Variants in MAST4 observed in about 807,000 individuals in gnomAD.
MAST4 encodes the protein microtubule-associated serine/threonine-protein kinase 4.
In MAST4, 89 loss-of-function variants were observed where a neutral mutation model predicts 162.7. The ratio of observed to expected loss-of-function variants is 0.55; its 90% CI spans 0.46 to 0.65. The LOEUF is 0.65. Ranked by LOEUF, MAST4 falls within the 30% of genes least tolerant of loss-of-function variation. The probability of loss-of-function intolerance (pLI) is 0.00; values close to 1 mark genes in which losing one functional copy is unlikely to be tolerated. For synonymous variants in MAST4, 1,479 were observed against 1,361.1 expected (o/e 1.09, Z -1.91); for missense variants, 3,153 against 3,374.0 (o/e 0.93, Z 1.62).
intron 4 of MAST4, among the ~76,000 whole-genome samples, chr5:66,900,397 A>G (rs1273400683): frequency 1.3e-5 from 2 of 152,100 alleles, no homozygotes; most frequent in Non-Finnish European, 2.9e-5. Context: ...ACTTTGAATC[A>G]GTTAAACTTT....
chr5:67,102,422 T>A, intron 8 of MAST4, 114 bp from the exon 9 acceptor site: 1 of 930,968 alleles, frequency 1.1e-6, no homozygotes, highest in Admixed American at 1.8e-5. Flanking sequence ...TCTGATATAC[T>A]TTTCTTACAA....
intron 1 of MAST4, among the ~76,000 whole-genome samples, chr5:66,618,033 T>TC (rs1554035637): frequency 4.2e-5 from 6 of 143,672 alleles, no homozygotes; most frequent in Non-Finnish European, 6.2e-5. Flanking sequence ...CTGGGAGGAA[T>TC]GGGGGGGGGG....
At chr5:66,658,004 C>T (rs954162283) in intron 1 of MAST4, among the ~76,000 whole-genome samples, 8 of 152,250 alleles carry the variant, frequency 5.3e-5, no homozygotes, top group East Asian at 1.9e-4. Flanking sequence ...GTTTAGTGTA[C>T]GCATGTATAT....
intron 3 of MAST4, among the ~76,000 whole-genome samples, chr5:66,830,267 T>C (rs1409792645): frequency 1.3e-5 from 2 of 152,334 alleles, no homozygotes; most frequent in Middle Eastern, 3.4e-3. Context: ...AATTCCTTTT[T>C]TAAGTTTTTG....
At chr5:66,955,785 A>C (rs1745239602) in intron 4 of MAST4, among the ~76,000 whole-genome samples, 1 of 152,168 alleles carries the variant, frequency 6.6e-6, no homozygotes, top group African/African-American at 2.4e-5. Flanking sequence ...ATGTGTGTAT[A>C]TATATGCACA....
At chr5:67,001,620 C>T (rs577486568) in intron 4 of MAST4, 1 of 152,210 alleles carries the variant, frequency 6.6e-6, no homozygotes, top group African/African-American at 2.4e-5. Flanking sequence ...AAGAAATAAA[C>T]ATTTTATGTC....
chr5:66,679,454 G>A (rs1748182592), intron 1 of MAST4, among the ~76,000 whole-genome samples: 1 of 152,192 alleles, frequency 6.6e-6, no homozygotes, highest in South Asian at 2.1e-4. Flanking sequence ...TAGGCTGGGA[G>A]CAGCTTCTGT....
At chr5:66,698,880 C>G (rs949236565) in intron 1 of MAST4, among the ~76,000 whole-genome samples, 1 of 152,186 alleles carries the variant, frequency 6.6e-6, no homozygotes, top group Non-Finnish European at 1.5e-5. Context: ...ATGGGCATAA[C>G]CCTTCTGTGG....
At chr5:66,709,204 A>G (rs570469870) in intron 1 of MAST4, among the ~76,000 whole-genome samples, 2 of 152,250 alleles carry the variant, frequency 1.3e-5, no homozygotes, top group South Asian at 2.1e-4. Context: ...AGATTTTGCT[A>G]TTGCTGATAC....
intron 27 of MAST4, among the ~76,000 whole-genome samples, chr5:67,162,398 G>A (rs1391012931): frequency 6.6e-6 from 1 of 152,150 alleles, no homozygotes; most frequent in Non-Finnish European, 1.5e-5. Flanking sequence ...TTGGAATTGA[G>A]AGAGGCTCCA....
chr5:67,099,288 C>T (rs1764765209), intron 7 of MAST4, among the ~76,000 whole-genome samples: 1 of 151,890 alleles, frequency 6.6e-6, no homozygotes, highest in South Asian at 2.1e-4. Flanking sequence ...TTTGATTTAT[C>T]TCATAAGTCT....
intron 4 of MAST4, among the ~76,000 whole-genome samples, chr5:66,976,859 A>C (rs1217726864): frequency 6.7e-6 from 1 of 149,734 alleles, no homozygotes; most frequent in Non-Finnish European, 1.5e-5. Flanking sequence ...ATGGATAACT[A>C]AGTACCCTTT....
rs1272632411 is a variant in MAST4 at position 66,894,570 on chromosome 5, T to C, written c.643-5381T>C. On this transcript the variant is annotated intron_variant, in intron 3 of 28. Coordinates refer to ENST00000403625, the MANE Select transcript of MAST4 (RefSeq NM_001164664.2). ...TCTTGGCTTCTTTGAACTCTTTTCC[T>C]AAATTAATTGTTAGTGCAGAGTACT... Among the ~76,000 whole-genome samples, 5 of 152,228 alleles carry C rather than the reference T, an allele frequency of 3.3e-5. No individual in the cohort carries two copies. The East Asian group carries it at 5.8e-4, about 18-fold the overall frequency.
chr5:66,829,006 C>A, intron 3 of MAST4: 1 of 805,718 alleles, frequency 1.2e-6, no homozygotes, highest in Non-Finnish European at 2.1e-6. Flanking sequence ...ATCTACATGG[C>A]AACGCTATAC....
At chr5:66,832,817 T>C (rs951617972) in intron 3 of MAST4, among the ~76,000 whole-genome samples, 1 of 152,220 alleles carries the variant, frequency 6.6e-6, no homozygotes, top group African/African-American at 2.4e-5. Flanking sequence ...TAATATTAAT[T>C]CATCTTTGGG....
chr5:66,658,073 G>A (rs1746665545), intron 1 of MAST4, among the ~76,000 whole-genome samples: 1 of 152,210 alleles, frequency 6.6e-6, no homozygotes, highest in African/African-American at 2.4e-5. Context: ...CCAGTCCAGG[G>A]TAACCTGGTG....
rs1491519068 is a variant in MAST4 at position 67,038,242 on chromosome 5, T to TC, written c.675-16162_675-16161insC. Reference sequence around the variant, plus strand: ...TCTTTATTTTTGCCTTTAGTTTCTCTTTTTTTTTTTTTTTAACACAGATTT... The same window carrying TC: ...TCTTTATTTTTGCCTTTAGTTTCTCTCTTTTTTTTTTTTTTAACACAGATTT... On this transcript the variant is annotated intron_variant, in intron 4 of 28. Transcript: ENST00000403625. Among the ~76,000 whole-genome samples, 12 of 2,888 alleles carry TC rather than the reference T, an allele frequency of 4.2e-3. No individual in the cohort carries two copies. In the Non-Finnish European group the frequency reaches 0.17, roughly 42 times the overall value. The allele number at this position is 2,888 out of a possible 152,430, so 1.9% of individuals were successfully genotyped here. A position where few individuals can be genotyped will look rare whatever the true frequency, so the allele number is the denominator to read the frequency against.
intron 3 of MAST4, among the ~76,000 whole-genome samples, chr5:66,858,763 G>T (rs1759869491): frequency 6.6e-6 from 1 of 152,078 alleles, no homozygotes; most frequent in African/African-American, 2.4e-5. Flanking sequence ...TTAATTTGGG[G>T]AGTATTTGAG....
intron 4 of MAST4, among the ~76,000 whole-genome samples, chr5:66,909,436 G>C (rs1031881817): frequency 1.3e-5 from 2 of 152,168 alleles, no homozygotes; most frequent in Admixed American, 1.3e-4. Context: ...ATAATGCGGT[G>C]TATTATAGTG....
Sources: gnomAD v4.1 joint callset for allele counts (sites outside exome capture counted in the v4.1 genomes callset) on GRCh38, gnomAD v4.1.1 for gene constraint, MANE v1.5 for transcripts, NCBI Gene and HGNC (gene_info 2026-07-23, HGNC 2026-07-21) for gene names.